Variants in RBM33 observed in about 807,000 individuals in gnomAD.
RBM33 encodes the protein RNA binding motif protein 33.
In RBM33, 28 loss-of-function variants were observed where a neutral mutation model predicts 132.6. The ratio of observed to expected loss-of-function variants is 0.21; its 90% CI spans 0.16 to 0.29. The LOEUF (loss-of-function observed/expected upper bound fraction) is 0.29, where lower values mean the gene tolerates loss of function less well. Among genes scored for constraint, RBM33 ranks in the 10% least tolerant of loss-of-function variants. The pLI, the probability that RBM33 is intolerant of heterozygous loss-of-function variation, is 1.00. For missense variants in RBM33, 1,291 were observed against 1,518.5 expected, an observed-to-expected ratio of 0.85 and a Z score of 2.49; for synonymous variants, 634 against 593.0, an observed-to-expected ratio of 1.07 and a Z score of -1.01.
chr7:155,652,840 T>C (rs1798393686), intron 1 of RBM33, among the ~76,000 whole-genome samples: 1 of 152,192 alleles, frequency 6.6e-6, no homozygotes. Context: ...CTGTTTAATA[T>C]GACTGCTATG....
At chr7:155,673,801 C>CACACACACACA (rs1799077085) in intron 3 of RBM33, among the ~76,000 whole-genome samples, 7 of 142,404 alleles carry the variant, frequency 4.9e-5, no homozygotes, top group South Asian at 4.3e-4. Flanking sequence ...CACACACACA[C>CACACACACACA]CCCTACCAGT....
intron 14 of RBM33, among the ~76,000 whole-genome samples, chr7:155,751,875 C>G (rs955806176): frequency 6.6e-6 from 1 of 152,182 alleles, no homozygotes; most frequent in African/African-American, 2.4e-5. Flanking sequence ...CTATTGTTAG[C>G]AGGCACTGAA....
intron 3 of RBM33, among the ~76,000 whole-genome samples, chr7:155,675,904 A>G (rs930852956): frequency 6.6e-6 from 1 of 152,230 alleles, no homozygotes; most frequent in Admixed American, 6.5e-5. Flanking sequence ...TACTTTTTAA[A>G]AAGAATCTTT....
Position 155,741,907 on chromosome 7 carries a change from T to C in RBM33, c.2138T>C (p.Ile713Thr). ...PRNSNLRELP[I>T]APSHVIEMSS... ...AACAGCAATTTGCGTGAATTACCCA[T>C]AGCGCCGTCACACGTGATAGAAATG... The change falls in exon 13 of 18, where the codon ATA becomes ACA. Residue 713 changes from isoleucine to threonine, a missense_variant. Ile to Thr is a moderately conservative substitution (Grantham distance 89). Transcript: ENST00000401878. The C allele has an allele frequency of 1.2e-6, 2 of 1,613,962 alleles. No individual in the cohort carries two copies. The highest frequency in any genetic ancestry group is 8.5e-7 in the Non-Finnish European group (1 of 1,179,892).
chr7:155,711,178 T>G (rs779962539), intron 7 of RBM33, 25 bp from the exon 8 acceptor site: 1 of 1,481,894 alleles, frequency 6.7e-7, no homozygotes, highest in South Asian at 1.4e-5. Flanking sequence ...TGTAGACTCA[T>G]TCTCCAAGGT....
At chr7:155,653,034 C>T (rs1291479381) in intron 1 of RBM33, among the ~76,000 whole-genome samples, 2 of 152,160 alleles carry the variant, frequency 1.3e-5, no homozygotes, top group African/African-American at 4.8e-5. Flanking sequence ...TGTGTCAGAA[C>T]TTCCTTTTTA....
intron 9 of RBM33, among the ~76,000 whole-genome samples, chr7:155,735,353 G>A (rs554790933): frequency 3.3e-5 from 5 of 152,318 alleles, no homozygotes; most frequent in Admixed American, 3.3e-4. Flanking sequence ...ATGTAACGGC[G>A]TGTGCTATTA....
At position 155,775,875 on chromosome 7, in the gene RBM33, A is replaced by G. The variant is rs960413889; in HGVS notation, c.*834A>G. ...GAACAGACCTGTTTTTTTCCTTTTT[A>G]AATGCAGTAAGGTGGCCTGTTTATC... is the stretch of plus-strand genomic sequence containing the variant. On this transcript the variant is annotated 3_prime_UTR_variant, in exon 18 of 18. Coordinates refer to ENST00000401878, the MANE Select transcript of RBM33 (RefSeq NM_053043.3). The G allele has an allele frequency of 1.3e-5, 2 of 152,110 alleles. No individual in the cohort carries two copies. Among genetic ancestry groups the G allele is most frequent in the Non-Finnish European group, 1.5e-5 (1 of 68,020 alleles). The allele number at this position is 152,110 out of a possible 1,614,324, so 9.4% of individuals were successfully genotyped here.
intron 4 of RBM33, among the ~76,000 whole-genome samples, chr7:155,679,507 A>ACT (rs35810276): frequency 0.67 from 101,474 of 151,896 alleles, 34,405 homozygotes; most frequent in South Asian, 0.77. Flanking sequence ...GGAGAGACAC[A>ACT]CTGGTAGGTG....
chr7:155,649,226 C>T (rs1293929639), intron 1 of RBM33, among the ~76,000 whole-genome samples: 1 of 152,144 alleles, frequency 6.6e-6, no homozygotes. Context: ...CCTGTTTCCT[C>T]ACCTATAGCA....
At chr7:155,702,956 C>T (rs1327382090) in intron 6 of RBM33, among the ~76,000 whole-genome samples, 1 of 152,176 alleles carries the variant, frequency 6.6e-6, no homozygotes, top group Non-Finnish European at 1.5e-5. Flanking sequence ...GTAGTCTGCT[C>T]CCTGTGGGCT....
intron 1 of RBM33, among the ~76,000 whole-genome samples, chr7:155,662,086 C>T (rs535172461): frequency 1.9e-4 from 29 of 152,024 alleles, no homozygotes; most frequent in African/African-American, 4.3e-4. Flanking sequence ...TTCACCCCTC[C>T]GCCGAAGCTT....
At chr7:155,671,746 A>G (rs1798947280) in intron 2 of RBM33, among the ~76,000 whole-genome samples, 1 of 152,214 alleles carries the variant, frequency 6.6e-6, no homozygotes, top group African/African-American at 2.4e-5. Flanking sequence ...ACCTAGAGTT[A>G]CAGTCCATCT....
chr7:155,743,039 A>G (rs568034911), intron 13 of RBM33, among the ~76,000 whole-genome samples: 3 of 152,334 alleles, frequency 2.0e-5, no homozygotes, highest in Admixed American at 2.0e-4. Flanking sequence ...CACTGGTTTT[A>G]CCTTTTAATC....
chr7:155,763,695 GT>G, intron 14 of RBM33, 116 bp from the exon 15 acceptor site: 1 of 909,944 alleles, frequency 1.1e-6, no homozygotes, highest in Non-Finnish European at 1.8e-6. Context: ...AGTCACACTT[GT>G]TTGAAATGGT....
chr7:155,721,792 T>C (rs1233044067), intron 9 of RBM33, among the ~76,000 whole-genome samples: 1 of 152,182 alleles, frequency 6.6e-6, no homozygotes, highest in Non-Finnish European at 1.5e-5. Flanking sequence ...AGGCCAAAAT[T>C]TGGTATTCTG....
At chr7:155,645,428 G>A (rs1011638796) in intron 1 of RBM33, among the ~76,000 whole-genome samples, 1 of 152,236 alleles carries the variant, frequency 6.6e-6, no homozygotes, top group Non-Finnish European at 1.5e-5. Flanking sequence ...TTTGGAAAGT[G>A]AGATTTCTTG....
intron 1 of RBM33, among the ~76,000 whole-genome samples, chr7:155,652,879 C>G (rs1228011050): frequency 6.6e-6 from 1 of 151,978 alleles, no homozygotes. Flanking sequence ...TATTTGTATT[C>G]TAAAGGAAAA....
chr7:155,723,038 C>T (rs998218332), intron 9 of RBM33, among the ~76,000 whole-genome samples: 21 of 152,240 alleles, frequency 1.4e-4, no homozygotes, highest in South Asian at 2.1e-4. Context: ...ACCTGGCAAA[C>T]GAGGTTCGTA....
Sources: gnomAD v4.1 joint callset for allele counts (sites outside exome capture counted in the v4.1 genomes callset) on GRCh38, gnomAD v4.1.1 for gene constraint, MANE v1.5 for transcripts, NCBI Gene and HGNC (gene_info 2026-07-23, HGNC 2026-07-21) for gene names.